RBFOX1: variants seen among roughly 807,000 people sequenced by gnomAD.
RBFOX1 encodes RNA binding protein fox-1 homolog 1.
A neutral mutation model predicts 57.7 loss-of-function variants in RBFOX1; 8 were observed. The ratio of observed to expected loss-of-function variants is 0.14; its 90% confidence interval spans 0.08 to 0.25. RBFOX1 has a LOEUF of 0.25. Among genes scored for constraint, RBFOX1 ranks in the 10% least tolerant of loss-of-function variants. The pLI, the probability that RBFOX1 is intolerant of heterozygous loss-of-function variation, is 1.00. For missense variants in RBFOX1, 611 were observed against 548.5 expected, an observed-to-expected ratio of 1.11 and a Z score of -1.14; for synonymous variants, 326 against 222.4, an observed-to-expected ratio of 1.47 and a Z score of -4.15.
At chr16:5,951,379 C>T (rs1053012891) in intron 4 of RBFOX1, among the ~76,000 whole-genome samples, 1 of 152,022 alleles carries the variant, frequency 6.6e-6, no homozygotes, top group African/African-American at 2.4e-5. Flanking sequence ...ACCCGGGAGG[C>T]AGAGGTTGCA....
chr16:6,286,646 C>T (rs1261507796), intron 1 of RBFOX1, among the ~76,000 whole-genome samples: 1 of 152,150 alleles, frequency 6.6e-6, no homozygotes, highest in African/African-American at 2.4e-5. Context: ...CTTGCCTGGA[C>T]TCCGAGCAGA....
At chr16:6,289,886 G>C (rs193053369) in intron 1 of RBFOX1, among the ~76,000 whole-genome samples, 1 of 152,282 alleles carries the variant, frequency 6.6e-6, no homozygotes, top group African/African-American at 2.4e-5. Flanking sequence ...TCATGAAGCA[G>C]TGTAGAAAGA....
chr16:6,871,224 C>A (rs1019053998), intron 3 of RBFOX1, among the ~76,000 whole-genome samples: 2 of 152,132 alleles, frequency 1.3e-5, no homozygotes, highest in African/African-American at 2.4e-5. Context: ...GTTGCTCTGT[C>A]CCCCAGGCTG....
intron 2 of RBFOX1, among the ~76,000 whole-genome samples, chr16:6,448,282 C>G (rs573413718): frequency 1.3e-5 from 2 of 149,780 alleles, no homozygotes; most frequent in South Asian, 2.1e-4. Flanking sequence ...ATCTTAGCCT[C>G]CCAAGTAGCT....
intron 2 of RBFOX1, among the ~76,000 whole-genome samples, chr16:6,325,695 A>C (rs866030778): frequency 5.3e-5 from 8 of 152,200 alleles, no homozygotes; most frequent in Non-Finnish European, 8.8e-5. Flanking sequence ...GCTGGTTAAT[A>C]CGATATGGAA....
intron 3 of RBFOX1, among the ~76,000 whole-genome samples, chr16:6,934,259 C>G (rs923101074): frequency 2.6e-5 from 4 of 152,204 alleles, no homozygotes; most frequent in Non-Finnish European, 5.9e-5. Flanking sequence ...GAAAGCAGCT[C>G]TTCAGTCTGG....
intron 1 of RBFOX1, among the ~76,000 whole-genome samples, chr16:6,043,516 T>G (rs1408159602): frequency 6.6e-6 from 1 of 152,240 alleles, no homozygotes; most frequent in Admixed American, 6.5e-5. Context: ...TAATGATTTC[T>G]ATTTGAATGC....
At chr16:6,708,340 C>T (rs1295008735) in intron 3 of RBFOX1, among the ~76,000 whole-genome samples, 1 of 152,102 alleles carries the variant, frequency 6.6e-6, no homozygotes, top group Non-Finnish European at 1.5e-5. Context: ...GTCTTCCCAA[C>T]TACCTTGAGA....
rs747624820 is a variant in RBFOX1 at position 6,246,151 on chromosome 16, C to G, written c.-126-70844C>G. On this transcript the variant is annotated intron_variant, in intron 1 of 15. Coordinates refer to ENST00000550418, the MANE Select transcript of RBFOX1 (RefSeq NM_018723.4). ...TGTATTGAATCATGGAGCTGAGATC[C>G]TCATCATGGTGGCTCACAGAATCAA... 2.6e-5 allele frequency among the ~76,000 whole-genome samples: 4 copies of G among 152,230 alleles called. No homozygotes were observed. In the South Asian group the frequency reaches 8.3e-4, roughly 32 times the overall value.
intron 1 of RBFOX1, among the ~76,000 whole-genome samples, chr16:5,395,562 C>T (rs928169204): frequency 7.2e-5 from 11 of 152,176 alleles, no homozygotes; most frequent in Non-Finnish European, 1.0e-4. Context: ...TTAAAACTTA[C>T]GTATAATGTA....
At chr16:6,270,195 A>G (rs1188318233) in intron 1 of RBFOX1, among the ~76,000 whole-genome samples, 1 of 151,840 alleles carries the variant, frequency 6.6e-6, no homozygotes, top group African/African-American at 2.4e-5. Flanking sequence ...GAACAAATAA[A>G]AAAAAAAGAA....
At position 6,226,400 on chromosome 16, in the gene RBFOX1, T is replaced by C. The variant is rs75417216; in HGVS notation, c.-126-90595T>C. ...AAAAAAAAAAAAAAAAACAAAAAAA[T>C]ATTTCCAATAAATTTTCAGCAATGT... On this transcript the variant is annotated intron_variant, in intron 1 of 15. Coordinates refer to ENST00000550418, the MANE Select transcript of RBFOX1 (RefSeq NM_018723.4). 6.5e-5 allele frequency among the ~76,000 whole-genome samples: 7 copies of C among 107,916 alleles called. No individual in the cohort carries two copies. In the Admixed American group the frequency reaches 6.6e-4, roughly 10 times the overall value. The allele number at this position is 107,916 out of a possible 152,430, so 70.8% of individuals were successfully genotyped here.
chr16:6,632,944 C>T (rs2098401996), intron 2 of RBFOX1, among the ~76,000 whole-genome samples: 1 of 152,096 alleles, frequency 6.6e-6, no homozygotes, highest in Non-Finnish European at 1.5e-5. Flanking sequence ...TTGAGAGCTT[C>T]CTGTTGTTTG....
intron 1 of RBFOX1, among the ~76,000 whole-genome samples, chr16:5,391,039 C>G (rs2066394879): frequency 6.6e-6 from 1 of 152,194 alleles, no homozygotes; most frequent in Non-Finnish European, 1.5e-5. Context: ...GGTACAGTGT[C>G]TTCTTACTTC....
At chr16:7,623,930 C>A (rs2142170462) in intron 10 of RBFOX1, among the ~76,000 whole-genome samples, 1 of 152,280 alleles carries the variant, frequency 6.6e-6, no homozygotes, top group East Asian at 1.9e-4. Flanking sequence ...AAAGATCTCT[C>A]TGCAAGTAAA....
intron 3 of RBFOX1, among the ~76,000 whole-genome samples, chr16:5,645,071 A>G (rs2049002169): frequency 1.1e-5 from 1 of 94,830 alleles, no homozygotes; most frequent in South Asian, 5.4e-4. Context: ...CCCTGTCTCT[A>G]CTAAAAATAC....
At chr16:6,384,930 T>A (rs987640434) in intron 2 of RBFOX1, among the ~76,000 whole-genome samples, 1 of 152,168 alleles carries the variant, frequency 6.6e-6, no homozygotes, top group African/African-American at 2.4e-5. Flanking sequence ...CTTAAGAAAC[T>A]TACACCCAGA....
intron 4 of RBFOX1, among the ~76,000 whole-genome samples, chr16:7,216,790 G>A (rs1296770132): frequency 1.3e-5 from 2 of 152,132 alleles, no homozygotes; most frequent in Non-Finnish European, 2.9e-5. Context: ...AAAATTCTTA[G>A]GGTAGCAGTT....
intron 3 of RBFOX1, among the ~76,000 whole-genome samples, chr16:6,703,631 T>C (rs768682435): frequency 1.3e-5 from 2 of 151,920 alleles, no homozygotes; most frequent in Admixed American, 6.6e-5. Context: ...CACTTGAGCC[T>C]GAGAAGTTGA....
Sources: allele counts gnomAD v4.1 joint callset (sites outside exome capture counted in the v4.1 genomes callset), GRCh38; gene constraint gnomAD v4.1.1; transcripts MANE v1.5; gene names NCBI Gene and HGNC (gene_info 2026-07-23, HGNC 2026-07-21).